IL1RAPL1: variants seen among roughly 807,000 people sequenced by gnomAD.
IL1RAPL1 encodes interleukin 1 receptor accessory protein like 1, also known as interleukin-1 receptor accessory protein-like 1.
A neutral mutation model predicts 48.4 loss-of-function variants in IL1RAPL1; 3 were observed. The ratio of observed to expected loss-of-function variants is 0.06; its 90% CI spans 0.03 to 0.16. The LOEUF (loss-of-function observed/expected upper bound fraction) is 0.16, where lower values mean the gene tolerates loss of function less well. IL1RAPL1 is among the 10% of genes least tolerant of loss of function. IL1RAPL1 has a pLI of 1.00. For synonymous variants in IL1RAPL1, 185 were observed against 187.7 expected (o/e 0.99, Z 0.12); for missense variants, 349 against 530.6 (o/e 0.66, Z 3.36).
intron 6 of IL1RAPL1, among the ~76,000 whole-genome samples, chrX:29,675,522 C>A (rs985907629): frequency 3.6e-5 from 4 of 112,454 alleles, no homozygotes; most frequent in African/African-American, 1.3e-4. Flanking sequence ...TAAATCTTTG[C>A]AATTCTAAAT....
chrX:29,871,525 G>A (rs772461109), intron 6 of IL1RAPL1, among the ~76,000 whole-genome samples: 8 of 111,911 alleles, frequency 7.1e-5, no homozygotes, highest in African/African-American at 2.3e-4. Context: ...TTTTACCTGC[G>A]TAGTGTCTGA....
intron 2 of IL1RAPL1, among the ~76,000 whole-genome samples, chrX:29,062,324 T>C (rs1418670802): frequency 1.8e-5 from 2 of 112,409 alleles, no homozygotes; most frequent in Admixed American, 9.4e-5. Context: ...TATTGAAAAG[T>C]GTCATAATGA....
intron 1 of IL1RAPL1, among the ~76,000 whole-genome samples, chrX:28,732,139 C>T (rs1935762851): frequency 8.9e-6 from 1 of 111,926 alleles, no homozygotes; most frequent in Non-Finnish European, 1.9e-5. Context: ...GTCAAGAGGC[C>T]TGAGAGTAGG....
At chrX:29,495,636 C>G (rs1261711119) in intron 5 of IL1RAPL1, among the ~76,000 whole-genome samples, 1 of 111,320 alleles carries the variant, frequency 9.0e-6, no homozygotes, top group African/African-American at 3.3e-5. Context: ...ATCACTATTG[C>G]TTGTTTCCCC....
At chrX:28,664,957 A>G (rs756217065) in intron 1 of IL1RAPL1, among the ~76,000 whole-genome samples, 1 of 111,872 alleles carries the variant, frequency 8.9e-6, no homozygotes, top group Admixed American at 9.5e-5. Flanking sequence ...AGGTAAAGCT[A>G]TATGCTCTAA....
At chrX:28,936,153 ATCGAGCATCCTATGACTTG>A (rs1210884002) in intron 2 of IL1RAPL1, among the ~76,000 whole-genome samples, 1 of 111,136 alleles carries the variant, frequency 9.0e-6, no homozygotes, top group East Asian at 2.9e-4. Flanking sequence ...CTCATGCTGA[ATCGAGCATCCTATGACTTG>A]TCTAAGATTG....
rs972218127 is a variant in IL1RAPL1, at chrX:29,884,466, C to G, written c.779-32998C>G. Among the ~76,000 whole-genome samples, 5 of 110,775 alleles carry G rather than the reference C, an allele frequency of 4.5e-5. No homozygotes were observed. The East Asian group carries it at 1.1e-3, about 25-fold the overall frequency. Reference sequence around the variant, plus strand: ...CCTCCCACCATTCTGGTCACTCCCTCTCACTCTTTTTTGCTGGTTAGTCCT... The same window carrying G: ...CCTCCCACCATTCTGGTCACTCCCTGTCACTCTTTTTTGCTGGTTAGTCCT... On this transcript the variant is annotated intron_variant, in intron 6 of 10. Transcript: ENST00000378993.
At chrX:29,596,985 TG>T (rs1923570437) in intron 5 of IL1RAPL1, among the ~76,000 whole-genome samples, 1 of 111,526 alleles carries the variant, frequency 9.0e-6, no homozygotes, top group Non-Finnish European at 1.9e-5. Flanking sequence ...TCTATTGAGA[TG>T]ATCATGTGAT....
At chrX:29,386,654 C>T (rs1223193719) in intron 3 of IL1RAPL1, among the ~76,000 whole-genome samples, 1 of 108,656 alleles carries the variant, frequency 9.2e-6, no homozygotes, top group Non-Finnish European at 1.9e-5. Context: ...GTGATCCTCC[C>T]ACCTCAGCCT....
intron 7 of IL1RAPL1, among the ~76,000 whole-genome samples, chrX:29,918,905 T>A: frequency 8.9e-6 from 1 of 112,352 alleles, no homozygotes. Context: ...ATAAGTAAGT[T>A]ACAACCACAT....
chrX:29,740,981 G>A (rs981761129), intron 6 of IL1RAPL1, among the ~76,000 whole-genome samples: 1 of 108,188 alleles, frequency 9.2e-6, no homozygotes, highest in Non-Finnish European at 2.0e-5. Context: ...ATGAGTAATG[G>A]CAGGACAACC....
At chrX:29,098,852 T>C (rs529297885) in intron 2 of IL1RAPL1, among the ~76,000 whole-genome samples, 34 of 112,951 alleles carry the variant, frequency 3.0e-4, no homozygotes, top group African/African-American at 9.6e-4. Flanking sequence ...AATAATGTTT[T>C]AAAAACTTTA....
At chrX:29,740,714 G>A (rs1211610048) in intron 6 of IL1RAPL1, among the ~76,000 whole-genome samples, 1 of 111,699 alleles carries the variant, frequency 9.0e-6, no homozygotes, top group Non-Finnish European at 1.9e-5. Context: ...CTCCAAGGTC[G>A]AACTGTCTAA....
intron 2 of IL1RAPL1, among the ~76,000 whole-genome samples, chrX:29,140,579 T>G (rs1280803186): frequency 8.9e-6 from 1 of 112,332 alleles, no homozygotes; most frequent in Non-Finnish European, 1.9e-5. Flanking sequence ...AACCTTAGGA[T>G]AGTTTCTGTG....
At chrX:29,080,917 A>T (rs1425081825) in intron 2 of IL1RAPL1, among the ~76,000 whole-genome samples, 3 of 78,651 alleles carry the variant, frequency 3.8e-5, no homozygotes, top group South Asian at 6.5e-4. Flanking sequence ...TATTTTTTTT[A>T]AATATTTTTT....
At chrX:28,735,720 T>G (rs1935814315) in intron 1 of IL1RAPL1, among the ~76,000 whole-genome samples, 2 of 110,600 alleles carry the variant, frequency 1.8e-5, no homozygotes, top group Admixed American at 1.9e-4. Flanking sequence ...TGTTGAGCTA[T>G]GATCATGCCA....
chrX:29,399,865 A>G (rs113833963), intron 5 of IL1RAPL1, among the ~76,000 whole-genome samples: 1,402 of 111,550 alleles, frequency 0.013, 26 homozygotes, highest in African/African-American at 0.043. Flanking sequence ...AGTACTTGAA[A>G]TAAAAATGAG....
intron 2 of IL1RAPL1, among the ~76,000 whole-genome samples, chrX:29,080,590 T>C (rs949617034): frequency 1.8e-5 from 2 of 109,266 alleles, no homozygotes; most frequent in Non-Finnish European, 3.8e-5. Context: ...GATTCTAATA[T>C]AAATACATGC....
chrX:29,055,209 C>A (rs970906042), intron 2 of IL1RAPL1, among the ~76,000 whole-genome samples: 1 of 111,126 alleles, frequency 9.0e-6, no homozygotes, highest in Non-Finnish European at 1.9e-5. Flanking sequence ...ATATATATTT[C>A]CTTTTCCTAC....
Sources: gnomAD v4.1 joint callset for allele counts (sites outside exome capture counted in the v4.1 genomes callset) on GRCh38, gnomAD v4.1.1 for gene constraint, MANE v1.5 for transcripts, NCBI Gene and HGNC (gene_info 2026-07-23, HGNC 2026-07-21) for gene names.